Variants in PACRG observed in about 807,000 individuals in gnomAD.
PACRG encodes the protein parkin coregulated gene protein.
PACRG carries 29 observed loss-of-function variants against 29.7 expected under a neutral mutation model. That is an observed-to-expected ratio of 0.98 (90% confidence interval 0.73 to 1.33). PACRG has a LOEUF of 1.33. Ranked by LOEUF, PACRG falls within the 40% of genes most tolerant of loss-of-function variation. The pLI, the probability that PACRG is intolerant of heterozygous loss-of-function variation, is 0.00. For missense variants in PACRG, 279 were observed against 316.2 expected (o/e 0.88, Z 0.89); for synonymous variants, 116 against 118.7 (o/e 0.98, Z 0.15).
intron 2 of PACRG, among the ~76,000 whole-genome samples, chr6:162,857,522 C>T (rs879811417): frequency 5.9e-5 from 9 of 152,134 alleles, no homozygotes; most frequent in African/African-American, 1.7e-4. Flanking sequence ...TAGCGGCTTG[C>T]ACATTCTCAT....
At chr6:163,296,241 A>G (rs924545573) in intron 4 of PACRG, among the ~76,000 whole-genome samples, 6 of 152,090 alleles carry the variant, frequency 3.9e-5, no homozygotes, top group Non-Finnish European at 7.4e-5. Context: ...GCAGGAAACA[A>G]TCATAACAGG....
At chr6:163,249,538 C>T (rs934699075) in intron 4 of PACRG, among the ~76,000 whole-genome samples, 12 of 152,164 alleles carry the variant, frequency 7.9e-5, no homozygotes, top group African/African-American at 2.9e-4. Flanking sequence ...AAGGGGGATC[C>T]TGATGGGCCG....
chr6:163,165,055 T>C (rs1176353356), intron 4 of PACRG, among the ~76,000 whole-genome samples: 2 of 151,942 alleles, frequency 1.3e-5, no homozygotes, highest in South Asian at 4.2e-4. Flanking sequence ...CTATGGGGGT[T>C]TAAAAAAAAA....
chr6:163,034,000 C>CT (rs1260823910), intron 2 of PACRG, among the ~76,000 whole-genome samples: 2 of 152,006 alleles, frequency 1.3e-5, no homozygotes, highest in African/African-American at 4.8e-5. Context: ...CTCACAAATC[C>CT]TTTTTTCCAT....
intron 4 of PACRG, among the ~76,000 whole-genome samples, chr6:163,285,569 C>T (rs1784371056): frequency 6.6e-6 from 1 of 152,162 alleles, no homozygotes; most frequent in Non-Finnish European, 1.5e-5. Context: ...CGGGAGAAGC[C>T]AAAGGGCCCC....
At chr6:163,263,818 G>A (rs559398672) in intron 4 of PACRG, among the ~76,000 whole-genome samples, 13 of 152,242 alleles carry the variant, frequency 8.5e-5, no homozygotes, top group African/African-American at 3.1e-4. Context: ...TTTAGATAAA[G>A]GGCACTGCTA....
At chr6:162,944,591 G>T (rs1266173447) in intron 2 of PACRG, among the ~76,000 whole-genome samples, 1 of 152,000 alleles carries the variant, frequency 6.6e-6, no homozygotes, top group East Asian at 1.9e-4. Flanking sequence ...AGCAATTCAG[G>T]ATATGAATAA....
At chr6:163,075,777 G>A (rs1305563865) in intron 3 of PACRG, among the ~76,000 whole-genome samples, 1 of 152,152 alleles carries the variant, frequency 6.6e-6, no homozygotes, top group Admixed American at 6.5e-5. Flanking sequence ...GAATAAACTA[G>A]TTTACATTTC....
At chr6:163,287,091 C>A (rs1426358822) in intron 4 of PACRG, among the ~76,000 whole-genome samples, 3 of 151,992 alleles carry the variant, frequency 2.0e-5, no homozygotes, top group Non-Finnish European at 4.4e-5. Flanking sequence ...GCAGATAGTA[C>A]ATGAGTAGTT....
intron 4 of PACRG, chr6:163,244,825 A>G (rs2128169766): frequency 3.8e-6 from 1 of 265,486 alleles, no homozygotes; most frequent in South Asian, 4.3e-5. Context: ...AGAACATGAG[A>G]TTTTTAACCT....
chr6:163,084,553 T>C (rs889916209), intron 3 of PACRG, among the ~76,000 whole-genome samples: 1 of 152,140 alleles, frequency 6.6e-6, no homozygotes, highest in Admixed American at 6.5e-5. Flanking sequence ...TTAGAGCCAT[T>C]ACCTGTCCAT....
chr6:162,996,529 C>T (rs1804072063), intron 2 of PACRG, among the ~76,000 whole-genome samples: 1 of 152,078 alleles, frequency 6.6e-6, no homozygotes, highest in African/African-American at 2.4e-5. Flanking sequence ...AAAAATGAAA[C>T]ATTCCACCAA....
intron 4 of PACRG, among the ~76,000 whole-genome samples, chr6:163,304,027 A>T (rs940043646): frequency 2.6e-5 from 4 of 151,354 alleles, no homozygotes; most frequent in African/African-American, 7.3e-5. Context: ...AAAAAAAAAA[A>T]AAAAAAAAAA....
intron 1 of PACRG, among the ~76,000 whole-genome samples, chr6:162,778,983 G>A (rs964117883): frequency 1.4e-4 from 22 of 152,298 alleles, no homozygotes; most frequent in Admixed American, 7.8e-4. Context: ...CATCCCCTAG[G>A]TATTAAGTTC....
intron 4 of PACRG, among the ~76,000 whole-genome samples, chr6:163,292,853 A>G (rs1356639540): frequency 6.6e-6 from 1 of 152,126 alleles, no homozygotes; most frequent in Non-Finnish European, 1.5e-5. Context: ...GTTTCTTTCG[A>G]TTTCTTTAAA....
At chr6:162,893,133 C>T (rs1453993519) in intron 2 of PACRG, among the ~76,000 whole-genome samples, 1 of 152,078 alleles carries the variant, frequency 6.6e-6, no homozygotes, top group Non-Finnish European at 1.5e-5. Flanking sequence ...TACTGTCATC[C>T]CTGGTGTCTG....
chr6:163,191,058 C>T, intron 4 of PACRG: 1 of 429,876 alleles, frequency 2.3e-6, no homozygotes, highest in Non-Finnish European at 4.6e-6. Context: ...ATTTGAAAAA[C>T]AAAACAAACA....
Position 163,269,872 on chromosome 6 carries a change from A to G in PACRG, c.614-44955A>G, listed in dbSNP as rs1304282607. On this transcript the variant is annotated intron_variant, in intron 4 of 4. Transcript: ENST00000366888. ...AAGAAAGAAAGAGAAAGAAAGAGAA[A>G]GAAAGAAAGAAAGAAAGAAAACAAA... Among the ~76,000 whole-genome samples, 3 of 56,388 alleles carry G rather than the reference A, an allele frequency of 5.3e-5. 1 individual carries two copies. Among genetic ancestry groups the G allele is most frequent in the African/African-American group, 3.0e-4 (3 of 9,992 alleles). 37.0% of individuals were successfully genotyped at this position (56,388 alleles called of 152,430 possible).
chr6:162,764,057 C>T (rs1422001908), intron 1 of PACRG, among the ~76,000 whole-genome samples: 2 of 152,048 alleles, frequency 1.3e-5, no homozygotes, highest in Admixed American at 6.6e-5. Context: ...GGGCAGATCA[C>T]GAGGTCAGGA....
Sources: allele counts gnomAD v4.1 joint callset (sites outside exome capture counted in the v4.1 genomes callset), GRCh38; gene constraint gnomAD v4.1.1; transcripts MANE v1.5; gene names NCBI Gene and HGNC (gene_info 2026-07-23, HGNC 2026-07-21).